Variants in RNF180 observed in about 807,000 individuals in gnomAD.
RNF180 encodes ring finger protein 180.
RNF180 carries 38 observed loss-of-function variants against 59.2 expected under a neutral mutation model. The observed-to-expected ratio is 0.64, with a 90% CI of 0.50 to 0.84. The LOEUF (loss-of-function observed/expected upper bound fraction) is 0.84. Ranked by LOEUF, RNF180 falls within the 40% of genes least tolerant of loss-of-function variation. The pLI is 0.00. For synonymous variants in RNF180, 262 were observed against 240.3 expected, an observed-to-expected ratio of 1.09 and a Z score of -0.84; for missense variants, 705 against 700.9, an observed-to-expected ratio of 1.01 and a Z score of -0.07.
chr5:64,252,473 A>G (rs1386703766), intron 5 of RNF180, among the ~76,000 whole-genome samples: 4 of 152,232 alleles, frequency 2.6e-5, no homozygotes, highest in South Asian at 2.1e-4. Flanking sequence ...GGTAATACAT[A>G]TATTAATTAT....
At chr5:64,290,762 A>C (rs927248304) in intron 5 of RNF180, among the ~76,000 whole-genome samples, 9 of 151,944 alleles carry the variant, frequency 5.9e-5, no homozygotes, top group Non-Finnish European at 1.2e-4. Context: ...TTGAGCCTAC[A>C]TGTGTCTTTG....
chr5:64,327,324 T>TGGGG (rs982226435), intron 6 of RNF180, among the ~76,000 whole-genome samples: 2 of 152,072 alleles, frequency 1.3e-5, no homozygotes, highest in African/African-American at 4.8e-5. Context: ...CCTTCTAATT[T>TGGGG]GGGGTTTGGT....
chr5:64,329,472 T>C (rs78569766), intron 6 of RNF180, among the ~76,000 whole-genome samples: 193 of 149,684 alleles, frequency 1.3e-3, no homozygotes, highest in South Asian at 0.012. Context: ...TTTTTTTTTT[T>C]CCCAAGATGG....
At chr5:64,216,184 A>G (rs1752612598) in intron 4 of RNF180, among the ~76,000 whole-genome samples, 1 of 152,164 alleles carries the variant, frequency 6.6e-6, no homozygotes, top group Admixed American at 6.5e-5. Context: ...TTAGCACAGT[A>G]AATTTTAAAG....
intron 3 of RNF180, 136 bp from the exon 4 acceptor site, chr5:64,213,422 A>T (rs1752413036): frequency 4.2e-6 from 3 of 722,732 alleles, no homozygotes; most frequent in African/African-American, 3.5e-5. Context: ...TGTTCAGTCT[A>T]CTAATCAGAA....
chr5:64,214,958 G>C (rs1279438761), intron 4 of RNF180, among the ~76,000 whole-genome samples: 2 of 151,992 alleles, frequency 1.3e-5, no homozygotes, highest in African/African-American at 4.8e-5. Flanking sequence ...ATTTATAATA[G>C]CTTAAGTGGG....
chr5:64,227,143 G>A (rs1741818147), intron 5 of RNF180, among the ~76,000 whole-genome samples: 2 of 152,172 alleles, frequency 1.3e-5, no homozygotes, highest in African/African-American at 4.8e-5. Context: ...CACAAACTAG[G>A]TGGGCAGAGA....
chr5:64,364,529 T>C (rs1252777886), intron 7 of RNF180, among the ~76,000 whole-genome samples: 1 of 151,598 alleles, frequency 6.6e-6, no homozygotes, highest in Non-Finnish European at 1.5e-5. Context: ...TGGCCTGAAG[T>C]TTTATTTTTT....
At chr5:64,309,365 A>G (rs551313049) in intron 5 of RNF180, among the ~76,000 whole-genome samples, 4 of 151,910 alleles carry the variant, frequency 2.6e-5, no homozygotes, top group African/African-American at 9.6e-5. Flanking sequence ...ATATTCACTC[A>G]GAGTACATAA....
At chr5:64,231,839 G>C (rs943348663) in intron 5 of RNF180, among the ~76,000 whole-genome samples, 1 of 152,198 alleles carries the variant, frequency 6.6e-6, no homozygotes, top group Non-Finnish European at 1.5e-5. Context: ...CAGTGTTCCA[G>C]AGCAAAAAGC....
At chr5:64,285,435 A>T (rs927159816) in intron 5 of RNF180, among the ~76,000 whole-genome samples, 1 of 152,192 alleles carries the variant, frequency 6.6e-6, no homozygotes. Context: ...ACCCATGCTC[A>T]TGTGCCAGCA....
chr5:64,215,779 G>A (rs1417652706), intron 4 of RNF180, among the ~76,000 whole-genome samples: 2 of 152,020 alleles, frequency 1.3e-5, no homozygotes, highest in African/African-American at 4.8e-5. Context: ...AATGTGGAGG[G>A]CTCTAAAATC....
intron 5 of RNF180, among the ~76,000 whole-genome samples, chr5:64,223,116 G>A (rs141476628): frequency 1.7e-3 from 258 of 152,286 alleles, no homozygotes; most frequent in Non-Finnish European, 3.0e-3. Context: ...TGACAGGGTA[G>A]TATTTCTTCT....
At chr5:64,324,479 G>A (rs375512121) in intron 5 of RNF180, among the ~76,000 whole-genome samples, 10 of 152,304 alleles carry the variant, frequency 6.6e-5, no homozygotes, top group East Asian at 5.8e-4. Flanking sequence ...AGCAGCCCCA[G>A]CTGGAAATCG....
chr5:64,314,506 A>G (rs1743938786), intron 5 of RNF180, among the ~76,000 whole-genome samples: 1 of 152,030 alleles, frequency 6.6e-6, no homozygotes, highest in African/African-American at 2.4e-5. Context: ...CTGTTTCCTA[A>G]TGTGTCAGTT....
chr5:64,269,672 A>G (rs182042588), intron 5 of RNF180, among the ~76,000 whole-genome samples: 118 of 152,288 alleles, frequency 7.7e-4, no homozygotes, highest in Middle Eastern at 3.4e-3. Flanking sequence ...AGTAAATCAC[A>G]TGGCTTTGGA....
intron 1 of RNF180, among the ~76,000 whole-genome samples, chr5:64,182,264 T>A (rs1289289661): frequency 6.6e-6 from 1 of 152,178 alleles, no homozygotes; most frequent in Non-Finnish European, 1.5e-5. Flanking sequence ...GTCCTGGGAT[T>A]ACAGCTACTT....
At chr5:64,251,089 C>G (rs1001115999) in intron 5 of RNF180, among the ~76,000 whole-genome samples, 6 of 152,086 alleles carry the variant, frequency 3.9e-5, no homozygotes, top group African/African-American at 1.4e-4. Flanking sequence ...ATCATGTTAA[C>G]AGAATGACAG....
chr5:64,306,992 TAAAA>T (rs1228598336), intron 5 of RNF180, among the ~76,000 whole-genome samples: 5 of 147,504 alleles, frequency 3.4e-5, no homozygotes, highest in South Asian at 2.2e-4. Flanking sequence ...AAATAAAAAA[TAAAA>T]AAATAAAAAT....
Sources: gnomAD v4.1 joint callset for allele counts (sites outside exome capture counted in the v4.1 genomes callset) on GRCh38, gnomAD v4.1.1 for gene constraint, MANE v1.5 for transcripts, NCBI Gene and HGNC (gene_info 2026-07-23, HGNC 2026-07-21) for gene names.